Variants in THBS4 observed in about 807,000 individuals in gnomAD.
The protein encoded by THBS4 is thrombospondin-4.
THBS4 carries 90 observed loss-of-function variants against 115.7 expected under a neutral mutation model. The ratio of observed to expected loss-of-function variants is 0.78; its 90% CI spans 0.66 to 0.93. The LOEUF (loss-of-function observed/expected upper bound fraction) is 0.93, where lower values mean the gene tolerates loss of function less well. Ranked by LOEUF, THBS4 falls within the 40% of genes least tolerant of loss-of-function variation. The pLI, the probability that THBS4 is intolerant of heterozygous loss-of-function variation, is 0.00. For synonymous variants in THBS4, 460 were observed against 479.3 expected (o/e 0.96, Z 0.53); for missense variants, 1,087 against 1,232.7 (o/e 0.88, Z 1.77).
At chr5:80,006,175 G>T (rs937373638) in intron 2 of THBS4, among the ~76,000 whole-genome samples, 2 of 152,126 alleles carry the variant, frequency 1.3e-5, no homozygotes, top group Non-Finnish European at 2.9e-5. Flanking sequence ...AAATATGGAG[G>T]TTTCCTTCCT....
At chr5:80,040,754 A>G (rs1222906901) in intron 2 of THBS4, among the ~76,000 whole-genome samples, 2 of 152,178 alleles carry the variant, frequency 1.3e-5, no homozygotes, top group Non-Finnish European at 2.9e-5. Context: ...AGACTGGGTA[A>G]TTTATAAAGA....
Position 80,070,746 on chromosome 5 carries a change from A to G in THBS4, c.1556A>G (p.Glu519Gly), listed in dbSNP as rs925903038. ...GCTGACGGAGATGGGATCCTGAATGAGCAGGTACCTGCTTCGCTGGGAGGG... is the reference window on the plus strand; with the variant it reads ...GCTGACGGAGATGGGATCCTGAATGGGCAGGTACCTGCTTCGCTGGGAGGG... ...EDADGDGILN[E>G]QDNCVLIHNV... The change falls in exon 12 of 22, where the codon GAG (glutamate) becomes GGG (glycine). Residue 519 changes from glutamate to glycine, a missense_variant. Physicochemically the swap from Glu to Gly is moderately conservative, Grantham distance 98. Transcript: ENST00000350881. 13 of 1,614,026 alleles carry G rather than the reference A, an allele frequency of 8.1e-6. No homozygotes were observed. Among genetic ancestry groups the G allele is most frequent in the Non-Finnish European group, 1.1e-5 (13 of 1,179,988 alleles).
Position 80,055,976 on chromosome 5 carries a change from G to A in THBS4, c.484G>A (p.Gly162Ser). ...TCACAATCTCCCCAGGGCCTTTGCT[G>A]GCCCCTCCCAGAAACCTGAGACCAT... ...SVHNLPRAFAGPSQKPETIEL... is the reference protein window; with the variant it reads ...SVHNLPRAFASPSQKPETIEL... Residue 162 changes from glycine (G) to serine (S), a missense_variant, in exon 3 of 22, where the codon GGC (glycine) becomes AGC (serine). Around this residue, in one of 3 missense-constraint regions of THBS4, gnomAD observed 979 missense variants for 1,103.7 expected, o/e 0.89. Transcript: ENST00000350881. 1.2e-6 allele frequency: 2 copies of A among 1,613,788 alleles called. No homozygotes were observed. The highest frequency in any genetic ancestry group is 1.7e-6 in the Non-Finnish European group (2 of 1,179,740).
chr5:80,029,564 C>G (rs375262539), intron 2 of THBS4, among the ~76,000 whole-genome samples: 1 of 151,688 alleles, frequency 6.6e-6, no homozygotes, highest in Non-Finnish European at 1.5e-5. Context: ...TTATAGAGAC[C>G]CTTAGATTGA....
At chr5:80,061,219 A>G (rs1462493710) in intron 7 of THBS4, among the ~76,000 whole-genome samples, 2 of 152,222 alleles carry the variant, frequency 1.3e-5, no homozygotes, top group Non-Finnish European at 2.9e-5. Flanking sequence ...TGGACTTGAC[A>G]GGACATGGAG....
At position 80,080,077 on chromosome 5, in the gene THBS4, G is replaced by T; in HGVS notation, c.2684G>T (p.Arg895Met). 6.2e-7 allele frequency: 1 copy of T among 1,613,132 alleles called. No homozygotes were observed. The highest frequency in any genetic ancestry group is 8.5e-7 in the Non-Finnish European group (1 of 1,179,568). Residue 895 changes from arginine to methionine, a missense_variant and splice_region_variant, in exon 20 of 22, where the codon AGG (arginine) becomes ATG (methionine). This residue lies in a region of THBS4 where 103 missense variants were observed against 108.2 expected (regional missense o/e 0.95). Transcript: ENST00000350881. ...LQHRPQVGYI[R>M]VRFYEGSELV... is the part of the protein sequence containing the mutation. The stretch of plus-strand genomic sequence containing the variant: ...CACAGGCCCCAGGTGGGCTACATCA[G>T]GTAGGTAGAGGCCCCATCTCCTTAC...
Position 80,071,089 on chromosome 5 carries a change from T to C in THBS4, c.1629T>C (p.Cys543=). ...ATAAAGATATCTTTGGGGATGCCTG[T>C]GATAACTGCCTGAGTGTCTTAAATA... ...NSDKDIFGDA[C]DNCLSVLNND... The change falls in exon 13 of 22, where the codon TGT becomes TGC. Residue 543 remains cysteine (C), a synonymous_variant. Coordinates refer to ENST00000350881, the MANE Select transcript of THBS4 (RefSeq NM_003248.6). The C allele has an allele frequency of 6.2e-7, 1 of 1,613,116 alleles. No homozygotes were observed. The highest frequency in any genetic ancestry group is 1.1e-5 in the South Asian group (1 of 90,704).
intron 2 of THBS4, among the ~76,000 whole-genome samples, chr5:80,011,554 T>C (rs1832126905): frequency 6.6e-6 from 1 of 152,142 alleles, no homozygotes; most frequent in African/African-American, 2.4e-5. Context: ...AACCACTTCA[T>C]TGAGGAAAGC....
At chr5:79,999,695 G>A (rs1831859766) in intron 2 of THBS4, among the ~76,000 whole-genome samples, 1 of 152,042 alleles carries the variant, frequency 6.6e-6, no homozygotes, top group African/African-American at 2.4e-5. Context: ...TACATAAATC[G>A]CTTTAAACAG....
At chr5:80,067,246 A>G (rs924732475) in intron 9 of THBS4, 6 of 152,158 alleles carry the variant, frequency 3.9e-5, no homozygotes, top group Non-Finnish European at 8.8e-5. Context: ...ATCATTTCAC[A>G]ATGTATACGT....
intron 2 of THBS4, among the ~76,000 whole-genome samples, chr5:80,000,164 T>C (rs972934989): frequency 6.6e-6 from 1 of 152,236 alleles, no homozygotes; most frequent in African/African-American, 2.4e-5. Context: ...TTACACCATT[T>C]GATTACACCT....
At position 80,082,387 on chromosome 5, in the gene THBS4, C is replaced by G; in HGVS notation, c.2685-19C>G. On this transcript the variant is annotated intron_variant, in intron 20 of 21. Coordinates refer to ENST00000350881, the MANE Select transcript of THBS4 (RefSeq NM_003248.6). ...CGGGTTGGATTTCATGGAGGCCCCTCCGGCCGTGTTGTCCGCAGGGTACGA... is the reference window on the plus strand; with the variant it reads ...CGGGTTGGATTTCATGGAGGCCCCTGCGGCCGTGTTGTCCGCAGGGTACGA... 1 of 1,612,288 alleles carries G rather than the reference C, an allele frequency of 6.2e-7. No individual in the cohort carries two copies. The highest frequency in any genetic ancestry group is 2.2e-5 in the East Asian group (1 of 44,850).
intron 15 of THBS4, 132 bp from the exon 16 acceptor site, chr5:80,076,723 C>T: frequency 3.4e-6 from 3 of 871,944 alleles, no homozygotes; most frequent in Non-Finnish European, 5.0e-6. Context: ...AGGGAATGAC[C>T]CCAGTGGGTT....
upstream of THBS4, among the ~76,000 whole-genome samples, chr5:80,031,400 C>T (rs984114725): frequency 3.3e-5 from 5 of 152,170 alleles, no homozygotes; most frequent in African/African-American, 1.2e-4. Flanking sequence ...AAAATTAAGT[C>T]ATACTCTGTA....
rs749637403 is a variant in THBS4 at position 80,065,477 on chromosome 5, G to GGTAA, written c.1194+4_1194+7dup. The GGTAA allele has an allele frequency of 6.2e-7, 1 of 1,611,644 alleles. No homozygotes were observed. Among genetic ancestry groups the GGTAA allele is most frequent in the Non-Finnish European group, 8.5e-7 (1 of 1,178,824 alleles). ...CCAACTCGATCTGCGTTAATACTTT[G>GGTAA]GTAAGTATTTCTCACAGCTGTTGTT... On this transcript the variant is annotated frameshift_variant and splice_region_variant. Coordinates refer to ENST00000350881, the MANE Select transcript of THBS4 (RefSeq NM_003248.6). LOFTEE classifies it high-confidence loss of function.
chr5:80,051,642 G>C (rs1833261944), intron 2 of THBS4, among the ~76,000 whole-genome samples: 1 of 152,162 alleles, frequency 6.6e-6, no homozygotes, highest in African/African-American at 2.4e-5. Flanking sequence ...AACACAATAG[G>C]AGGTTTTGCT....
At chr5:80,046,501 G>C (rs1402088050) in intron 2 of THBS4, among the ~76,000 whole-genome samples, 3 of 152,206 alleles carry the variant, frequency 2.0e-5, no homozygotes, top group Non-Finnish European at 4.4e-5. Flanking sequence ...CAGAGCTCCA[G>C]AGGGTTATAT....
At chr5:80,057,007 G>T (rs1271822973) in intron 3 of THBS4, among the ~76,000 whole-genome samples, 2 of 152,144 alleles carry the variant, frequency 1.3e-5, no homozygotes, top group East Asian at 3.8e-4. Context: ...ACAACAGGAA[G>T]CATTTTTAAT....
rs761304448 is a variant in THBS4 at position 80,040,195 on chromosome 5, A to G, written c.207A>G (p.Lys69=). Residue 69 remains lysine (K), a synonymous_variant, in exon 2 of 22, where the codon AAA becomes AAG. Coordinates refer to ENST00000350881, the MANE Select transcript of THBS4 (RefSeq NM_003248.6). ...TTTCCACCTTCAAGCTGCAGACTAA[A>G]AGTTCAGCCACCATCTTCGGTCTTT... The part of the protein sequence containing the change: ...YVISTFKLQT[K]SSATIFGLYS... 1.8e-5 allele frequency: 29 copies of G among 1,614,040 alleles called. No homozygotes were observed. Among genetic ancestry groups the G allele is most frequent in the African/African-American group, 1.7e-4 (13 of 74,908 alleles).
Sources: gnomAD v4.1 joint callset for allele counts (sites outside exome capture counted in the v4.1 genomes callset) on GRCh38, gnomAD v4.1.1 for gene constraint, gnomAD v4.1.1 regional missense constraint, MANE v1.5 for transcripts, NCBI Gene and HGNC (gene_info 2026-07-23, HGNC 2026-07-21) for gene names.